Variants in EEA1 observed in about 807,000 individuals in gnomAD.
EEA1 encodes the protein early endosome antigen 1, 162kD.
In EEA1, 111 loss-of-function variants were observed where a neutral mutation model predicts 209.2. That is an observed-to-expected ratio of 0.53 (90% CI 0.45 to 0.62). The LOEUF (loss-of-function observed/expected upper bound fraction) is 0.62, where lower values mean the gene tolerates loss of function less well. EEA1 is among the 20% of genes least tolerant of loss of function. The pLI is 0.00. For missense variants in EEA1, 1,343 were observed against 1,530.8 expected, an observed-to-expected ratio of 0.88 and a Z score of 2.05; for synonymous variants, 536 against 540.6, an observed-to-expected ratio of 0.99 and a Z score of 0.12.
intron 5 of EEA1, among the ~76,000 whole-genome samples, chr12:92,854,259 T>C (rs920857476): frequency 2.0e-5 from 3 of 152,234 alleles, no homozygotes; most frequent in Non-Finnish European, 2.9e-5. Context: ...AGCACAATTA[T>C]TGTAATTATA....
chr12:92,921,163 A>G (rs1880974449), intron 1 of EEA1, among the ~76,000 whole-genome samples: 2 of 149,952 alleles, frequency 1.3e-5, no homozygotes, highest in South Asian at 4.2e-4. Context: ...ACTGTAAACT[A>G]GTTCAACCAT....
rs562611504 is a variant in EEA1 at position 92,784,501 on chromosome 12, G to A, written c.3151-2366C>T. On this transcript the variant is annotated intron_variant, in intron 22 of 28. Coordinates refer to ENST00000322349, the MANE Select transcript of EEA1 (RefSeq NM_003566.4). ...AAAATACCAACGCTTGCTAGAGCCT[G>A]GAAAGCAACCCTAACCTCTAACCAC... 7.2e-5 allele frequency among the ~76,000 whole-genome samples: 11 copies of A among 152,226 alleles called. No homozygotes were observed. In the South Asian group the frequency reaches 2.3e-3, roughly 32 times the overall value.
At chr12:92,892,707 T>C (rs1879702268) in intron 1 of EEA1, among the ~76,000 whole-genome samples, 1 of 152,180 alleles carries the variant, frequency 6.6e-6, no homozygotes, top group African/African-American at 2.4e-5. Context: ...CCTGAGTAGC[T>C]GGGACTACAG....
At chr12:92,908,064 T>C (rs1403926861) in intron 1 of EEA1, among the ~76,000 whole-genome samples, 1 of 145,958 alleles carries the variant, frequency 6.9e-6, no homozygotes, top group African/African-American at 2.8e-5. Context: ...AGCTAAAACA[T>C]GTAAATAATC....
intron 11 of EEA1, 40 bp from the exon 12 acceptor site, chr12:92,828,101 AAC>A (rs1491306591): frequency 3.2e-5 from 46 of 1,417,310 alleles, no homozygotes; most frequent in Admixed American, 7.8e-5. Context: ...CATATGTACA[AAC>A]ACACACACAG....
At chr12:92,858,315 T>C in intron 3 of EEA1, 1 of 757,510 alleles carries the variant, frequency 1.3e-6, no homozygotes. Flanking sequence ...TGCTGTTGAC[T>C]AACAGAAAAT....
chr12:92,903,164 C>T (rs1005912997), intron 1 of EEA1, among the ~76,000 whole-genome samples: 2 of 151,738 alleles, frequency 1.3e-5, no homozygotes, highest in African/African-American at 4.8e-5. Flanking sequence ...GTCTCAATCT[C>T]CTGACCTCGT....
Position 92,788,066 on chromosome 12 carries a change from T to C in EEA1, c.2968-17A>G. 6.5e-7 allele frequency: 1 copy of C among 1,543,104 alleles called. No homozygotes were observed. Among genetic ancestry groups the C allele is most frequent in the Non-Finnish European group, 8.7e-7 (1 of 1,149,668 alleles). ...AAGCTCTGTCTGAAACATACAATAGTTATTTAAAACAGTATGCATTCCAAA... is the reference window on the plus strand; with the variant it reads ...AAGCTCTGTCTGAAACATACAATAGCTATTTAAAACAGTATGCATTCCAAA... On this transcript the variant is annotated splice_polypyrimidine_tract_variant and intron_variant, in intron 21 of 28. Transcript: ENST00000322349.
intron 9 of EEA1, 33 bp downstream of exon 9, chr12:92,851,078 T>C (rs546360811): frequency 6.2e-7 from 1 of 1,606,450 alleles, no homozygotes; most frequent in Non-Finnish European, 8.5e-7. Flanking sequence ...CAAGCTAATA[T>C]GAATCACATT....
chr12:92,782,682 C>T (rs1342282609), intron 22 of EEA1, among the ~76,000 whole-genome samples: 1 of 152,196 alleles, frequency 6.6e-6, no homozygotes, highest in East Asian at 1.9e-4. Flanking sequence ...TGAATCACAA[C>T]TCCCACATCC....
chr12:92,855,362 G>A (rs542891114), intron 5 of EEA1, among the ~76,000 whole-genome samples: 27 of 152,112 alleles, frequency 1.8e-4, no homozygotes, highest in Admixed American at 1.5e-3. Context: ...CATGGGAGGC[G>A]GAGCTTGCAG....
chr12:92,858,509 T>C (rs1352336038), intron 3 of EEA1: 2 of 858,030 alleles, frequency 2.3e-6, no homozygotes, highest in Non-Finnish European at 4.0e-6. Flanking sequence ...GCTACGCCAC[T>C]GATGAAACTG....
At chr12:92,908,941 A>G (rs1027272227) in intron 1 of EEA1, among the ~76,000 whole-genome samples, 1 of 152,128 alleles carries the variant, frequency 6.6e-6, no homozygotes, top group African/African-American at 2.4e-5. Flanking sequence ...CTCCTGCCTC[A>G]GCCTCCTGAG....
chr12:92,880,535 T>C (rs1879090795), intron 2 of EEA1, among the ~76,000 whole-genome samples: 1 of 152,098 alleles, frequency 6.6e-6, no homozygotes, highest in Non-Finnish European at 1.5e-5. Flanking sequence ...AGTATAGTCA[T>C]GCAATCTCGG....
intron 20 of EEA1, among the ~76,000 whole-genome samples, chr12:92,799,682 G>A (rs1439640390): frequency 1.3e-5 from 2 of 152,052 alleles, no homozygotes; most frequent in Non-Finnish European, 1.5e-5. Flanking sequence ...AGCTACTCGG[G>A]AGGTTGAGGC....
Position 92,857,463 on chromosome 12 carries a change from G to T in EEA1, c.268C>A (p.Gln90Lys), listed in dbSNP as rs751103749. The T allele has an allele frequency of 1.3e-6, 2 of 1,596,168 alleles. No individual in the cohort carries two copies. Among genetic ancestry groups the T allele is most frequent in the South Asian group, 2.3e-5 (2 of 86,382 alleles). The change falls in exon 4 of 29, where the codon CAA becomes AAA. Residue 90 changes from glutamine (Q) to lysine (K), a missense_variant. Gln to Lys is a moderately conservative substitution (Grantham distance 53, BLOSUM62 1). Around this residue, in one of 3 missense-constraint regions of EEA1, gnomAD observed 1,307 missense variants for 1,465.5 expected, o/e 0.89. Transcript: ENST00000322349. ...GAAGCCTGTAGGTCTTGGACCTCTT[G>T]TCTGAGCAGTGTTACATCATCTCTA... is the stretch of plus-strand genomic sequence containing the variant. ...LKRDDVTLLR[Q>K]EVQDLQASLK...
intron 17 of EEA1, among the ~76,000 whole-genome samples, chr12:92,809,694 C>CA (rs879808819): frequency 0.013 from 1,410 of 107,618 alleles, 23 homozygotes; most frequent in East Asian, 0.073. Flanking sequence ...GACTCCATCT[C>CA]AAAAAAAAAA....
chr12:92,782,120 G>C lies in EEA1; in HGVS notation c.3166C>G (p.Leu1056Val), dbSNP rs769212861. The change falls in exon 23 of 29, where the codon CTT becomes GTT. Residue 1056 changes from leucine (L) to valine (V), a missense_variant. Leu to Val is a conservative substitution (Grantham distance 32, BLOSUM62 1). This residue lies in a region of EEA1 where 1,307 missense variants were observed against 1,465.5 expected (regional missense o/e 0.89). Coordinates refer to ENST00000322349, the MANE Select transcript of EEA1 (RefSeq NM_003566.4). ...RQDLKSVEEKLSLAQEDLISN... is the reference protein window; with the variant it reads ...RQDLKSVEEKVSLAQEDLISN... ...ATCAAGTCCTCCTGTGCTAGAGAAAGCTTCTCTTCTACAGACTTACAAAAA... is the reference window on the plus strand; with the variant it reads ...ATCAAGTCCTCCTGTGCTAGAGAAACCTTCTCTTCTACAGACTTACAAAAA... 5 of 1,608,764 alleles carry C rather than the reference G, an allele frequency of 3.1e-6. No homozygotes were observed. The Admixed American group carries it at 8.4e-5, about 27-fold the overall frequency.
At chr12:92,867,792 A>G (rs1268088363) in intron 2 of EEA1, among the ~76,000 whole-genome samples, 1 of 152,182 alleles carries the variant, frequency 6.6e-6, no homozygotes, top group Non-Finnish European at 1.5e-5. Flanking sequence ...CTTTACAAAA[A>G]TACATATACA....
Sources: allele counts gnomAD v4.1 joint callset (sites outside exome capture counted in the v4.1 genomes callset), GRCh38; gene constraint gnomAD v4.1.1; regional missense constraint gnomAD v4.1.1; transcripts MANE v1.5; gene names NCBI Gene and HGNC (gene_info 2026-07-23, HGNC 2026-07-21).